The following GPR176 variants were observed in gnomAD, a reference collection of about 807,000 sequenced individuals.
GPR176 encodes G protein-coupled receptor 176.
In GPR176, 26 loss-of-function variants were observed where a neutral mutation model predicts 35.4. That is an observed-to-expected ratio of 0.74 (90% CI 0.54 to 1.02). The LOEUF (loss-of-function observed/expected upper bound fraction) is 1.02, where lower values mean the gene tolerates loss of function less well. GPR176 is among the 50% of genes least tolerant of loss of function. The probability of loss-of-function intolerance (pLI) is 0.00; values close to 1 mark genes in which losing one functional copy is unlikely to be tolerated. For synonymous variants in GPR176, 278 were observed against 271.3 expected, an observed-to-expected ratio of 1.02 and a Z score of -0.24; for missense variants, 597 against 665.3, an observed-to-expected ratio of 0.90 and a Z score of 1.13.
At chr15:39,842,193 AG>A (rs2030046695) in intron 1 of GPR176, among the ~76,000 whole-genome samples, 1 of 152,168 alleles carries the variant, frequency 6.6e-6, no homozygotes, top group Non-Finnish European at 1.5e-5. Flanking sequence ...CAGGCTGTAT[AG>A]GAGGCATGGC....
chr15:39,842,598 G>A (rs577077660), intron 1 of GPR176, among the ~76,000 whole-genome samples: 3 of 152,078 alleles, frequency 2.0e-5, no homozygotes, highest in African/African-American at 7.2e-5. Flanking sequence ...AGCCCAAAAG[G>A]GGTCCCTTCC....
chr15:39,881,739 T>C (rs1449777923), intron 1 of GPR176, among the ~76,000 whole-genome samples: 1 of 152,230 alleles, frequency 6.6e-6, no homozygotes, highest in Non-Finnish European at 1.5e-5. Context: ...AAAGTGCTCA[T>C]TACAGTATAA....
At chr15:39,808,805 G>T (rs1346611356) in intron 1 of GPR176, among the ~76,000 whole-genome samples, 4 of 152,192 alleles carry the variant, frequency 2.6e-5, no homozygotes, top group Non-Finnish European at 5.9e-5. Flanking sequence ...TTTGTAGTAT[G>T]TATGTCATGT....
At chr15:39,848,595 T>G (rs2030615051) in intron 1 of GPR176, among the ~76,000 whole-genome samples, 2 of 152,068 alleles carry the variant, frequency 1.3e-5, no homozygotes, top group African/African-American at 4.8e-5. Context: ...TTTTAAAAAT[T>G]GAAATCATAC....
chr15:39,919,866 C>A lies in GPR176; in HGVS notation c.161G>T (p.Gly54Val), dbSNP rs1258474744. The A allele has an allele frequency of 4.1e-6, 6 of 1,454,572 alleles. No homozygotes were observed. Among genetic ancestry groups the A allele is most frequent in the South Asian group, 1.5e-5 (1 of 67,956 alleles). The allele number at this position is 1,454,572 out of a possible 1,614,324, so 90.1% of individuals were successfully genotyped here. Residue 54 changes from glycine (G) to valine (V), a missense_variant, in exon 1 of 3, where the codon GGC becomes GTC. Transcript: ENST00000561100. ...TTTVQVVIFI[G>V]SLLGNFMVLW... ...CGCGGGAGGCTTACCGAGCAGCGAG[C>A]CTATGAAGATGACGACCTGCACGGT...
chr15:39,866,014 A>C (rs1032465404), intron 1 of GPR176, among the ~76,000 whole-genome samples: 1 of 152,172 alleles, frequency 6.6e-6, no homozygotes, highest in African/African-American at 2.4e-5. Flanking sequence ...TGTGAATCAT[A>C]AAAAGGGATG....
At chr15:39,892,389 T>C (rs1233688481) in intron 1 of GPR176, among the ~76,000 whole-genome samples, 2 of 152,166 alleles carry the variant, frequency 1.3e-5, no homozygotes, top group African/African-American at 2.4e-5. Flanking sequence ...ATGACAGTAG[T>C]GGATGTGGAG....
intron 1 of GPR176, among the ~76,000 whole-genome samples, chr15:39,843,515 T>C (rs996616014): frequency 6.6e-6 from 1 of 152,110 alleles, no homozygotes; most frequent in South Asian, 2.1e-4. Flanking sequence ...CAGAATTGCA[T>C]TTTGCAAGTG....
At chr15:39,879,244 C>T (rs1387681716) in intron 1 of GPR176, among the ~76,000 whole-genome samples, 1 of 152,150 alleles carries the variant, frequency 6.6e-6, no homozygotes, top group Non-Finnish European at 1.5e-5. Context: ...AGCCTAAAAC[C>T]CTGTTTCTTA....
At chr15:39,806,812 T>C (rs550170770) in intron 2 of GPR176, among the ~76,000 whole-genome samples, 194 bp downstream of exon 2, 107 of 152,352 alleles carry the variant, frequency 7.0e-4, no homozygotes, top group African/African-American at 2.4e-3. Flanking sequence ...TCAATGGTTT[T>C]ATTTTCCATG....
At chr15:39,864,014 A>C (rs923885791) in intron 1 of GPR176, among the ~76,000 whole-genome samples, 3 of 152,212 alleles carry the variant, frequency 2.0e-5, no homozygotes, top group Non-Finnish European at 2.9e-5. Flanking sequence ...CATAGTTCAA[A>C]TATTCTTTCC....
intron 1 of GPR176, among the ~76,000 whole-genome samples, chr15:39,831,478 C>T (rs1381642723): frequency 1.3e-5 from 2 of 152,116 alleles, no homozygotes; most frequent in Non-Finnish European, 2.9e-5. Context: ...ATGGTTAAAA[C>T]TAAATCCATT....
At chr15:39,888,571 T>A (rs949967652) in intron 1 of GPR176, among the ~76,000 whole-genome samples, 2 of 152,206 alleles carry the variant, frequency 1.3e-5, no homozygotes, top group African/African-American at 4.8e-5. Flanking sequence ...TGGGATTACA[T>A]GTTTGAGCCA....
At chr15:39,842,598 G>T (rs577077660) in intron 1 of GPR176, among the ~76,000 whole-genome samples, 6 of 151,958 alleles carry the variant, frequency 3.9e-5, no homozygotes, top group African/African-American at 1.5e-4. Flanking sequence ...AGCCCAAAAG[G>T]GGTCCCTTCC....
chr15:39,918,424 A>T (rs2033782555), intron 1 of GPR176, among the ~76,000 whole-genome samples: 1 of 152,050 alleles, frequency 6.6e-6, no homozygotes, highest in South Asian at 2.1e-4. Context: ...GGGAGGGAAA[A>T]ATATATATAC....
intron 1 of GPR176, chr15:39,894,560 GGT>G (rs2033033588): frequency 5.4e-6 from 1 of 185,444 alleles, no homozygotes; most frequent in African/African-American, 2.4e-5. Context: ...GCCGGGCAGA[GGT>G]GCTCCTCACA....
chr15:39,899,331 A>G (rs2033208274), intron 1 of GPR176, among the ~76,000 whole-genome samples: 1 of 152,186 alleles, frequency 6.6e-6, no homozygotes, highest in South Asian at 2.1e-4. Flanking sequence ...CTCCCTTTGG[A>G]ACTAAGTCTC....
rs117552305 is a variant in GPR176 at position 39,897,257 on chromosome 15, C to T, written c.172+22598G>A. ...CTGATTCTCTTTTGCATGCCTTTCTCCATAAAAGTGACAGGAATCTAGGAC... is the reference window on the plus strand; with the variant it reads ...CTGATTCTCTTTTGCATGCCTTTCTTCATAAAAGTGACAGGAATCTAGGAC... On this transcript the variant is annotated intron_variant, in intron 1 of 2. Coordinates refer to ENST00000561100, the MANE Select transcript of GPR176 (RefSeq NM_007223.3). Among the ~76,000 whole-genome samples the T allele has an allele frequency of 6.6e-5, 10 of 152,282 alleles. No individual in the cohort carries two copies. In the East Asian group the frequency reaches 1.9e-3, roughly 29 times the overall value.
intron 1 of GPR176, among the ~76,000 whole-genome samples, chr15:39,811,915 C>CAA (rs1423143703): frequency 1.5e-3 from 112 of 75,664 alleles, no homozygotes; most frequent in African/African-American, 5.0e-3. Context: ...GACTCCGTCT[C>CAA]AAAAAAAAAA....
Sources: gnomAD v4.1 joint callset for allele counts (sites outside exome capture counted in the v4.1 genomes callset) on GRCh38, gnomAD v4.1.1 for gene constraint, MANE v1.5 for transcripts, NCBI Gene and HGNC (gene_info 2026-07-23, HGNC 2026-07-21) for gene names.